MUSK: variants seen among roughly 807,000 people sequenced by gnomAD.
MUSK encodes the protein muscle, skeletal receptor tyrosine-protein kinase.
In MUSK, 55 loss-of-function variants were observed where a neutral mutation model predicts 88.7. That is an observed-to-expected ratio of 0.62 (90% CI 0.50 to 0.78). The LOEUF is 0.78. Among genes scored for constraint, MUSK ranks in the 30% least tolerant of loss-of-function variants. The probability of loss-of-function intolerance (pLI) is 0.00; values close to 1 mark genes in which losing one functional copy is unlikely to be tolerated. For missense variants in MUSK, 1,015 were observed against 1,074.3 expected, an observed-to-expected ratio of 0.94 and a Z score of 0.77; for synonymous variants, 387 against 391.9, an observed-to-expected ratio of 0.99 and a Z score of 0.15.
chr9:110,668,947 C>A lies in MUSK; in HGVS notation c.43C>A (p.Leu15Met), dbSNP rs746254848. ...CATTCCACTGGTACATATTCTTACT[C>A]TGGTTGCCTTCAGCGGAACTGAGAA... ...VNIPLVHILT[L>M]VAFSGTEKLP... The change falls in exon 1 of 15, where the codon CTG becomes ATG. Residue 15 changes from leucine (L) to methionine (M), a missense_variant. Transcript: ENST00000374448. 6.0e-5 allele frequency: 97 copies of A among 1,613,720 alleles called. No homozygotes were observed. Among genetic ancestry groups the A allele is most frequent in the Non-Finnish European group, 7.5e-5 (89 of 1,179,758 alleles).
intron 1 of MUSK, among the ~76,000 whole-genome samples, chr9:110,680,535 C>G (rs1050677228): frequency 6.6e-6 from 1 of 151,726 alleles, no homozygotes; most frequent in East Asian, 1.9e-4. Flanking sequence ...AGGTGTGCAC[C>G]ACCATGTCCA....
chr9:110,675,452 A>G (rs1192425831), intron 1 of MUSK, among the ~76,000 whole-genome samples: 2 of 103,096 alleles, frequency 1.9e-5, no homozygotes, highest in East Asian at 4.7e-4. Flanking sequence ...CGATCTCCTG[A>G]CCTCGTGATC....
At chr9:110,711,332 C>A (rs959806825) in intron 5 of MUSK, among the ~76,000 whole-genome samples, 1 of 152,134 alleles carries the variant, frequency 6.6e-6, no homozygotes, top group Non-Finnish European at 1.5e-5. Context: ...CCTGGGGAAG[C>A]CATAGCCTGC....
intron 5 of MUSK, among the ~76,000 whole-genome samples, chr9:110,705,518 T>C (rs34163298): frequency 0.35 from 53,814 of 152,030 alleles, 10,018 homozygotes; most frequent in East Asian, 0.53. Context: ...TTTCTATGTA[T>C]AGATGGAAAT....
Position 110,801,959 on chromosome 9 carries a change from C to T in MUSK, c.*971C>T, listed in dbSNP as rs1370478482. Among the ~76,000 whole-genome samples, 1 of 152,074 alleles carries T rather than the reference C, an allele frequency of 6.6e-6. No individual in the cohort carries two copies. Among genetic ancestry groups the T allele is most frequent in the Non-Finnish European group, 1.5e-5 (1 of 67,998 alleles). On this transcript the variant is annotated 3_prime_UTR_variant, in exon 15 of 15. Transcript: ENST00000374448. ...TTGCAAAGTATTACTATTTTTCCTGCATTTGCCTTTGAAGCCACACATTTC... is the reference window on the plus strand; with the variant it reads ...TTGCAAAGTATTACTATTTTTCCTGTATTTGCCTTTGAAGCCACACATTTC...
chr9:110,785,641 C>G lies in MUSK; in HGVS notation c.1701C>G (p.Ser567Arg), dbSNP rs776396098. The change falls in exon 13 of 15, where the codon AGC becomes AGG. Residue 567 changes from serine to arginine, a missense_variant. Ser to Arg is a moderately radical substitution (Grantham distance 110). Coordinates refer to ENST00000374448, the MANE Select transcript of MUSK (RefSeq NM_005592.4). ...MPLLLNPKLL[S>R]LEYPRNNIEY... is the part of the protein sequence containing the mutation. ...TCCTTCTGAACCCCAAATTGCTCAG[C>G]CTGGAGTATCCAAGGAATAACATTG... is the stretch of plus-strand genomic sequence containing the variant. The G allele has an allele frequency of 6.2e-7, 1 of 1,613,162 alleles. No homozygotes were observed. The highest frequency in any genetic ancestry group is 8.5e-7 in the Non-Finnish European group (1 of 1,179,540).
intron 5 of MUSK, among the ~76,000 whole-genome samples, chr9:110,713,646 G>C (rs2076705834): frequency 6.6e-6 from 1 of 152,114 alleles, no homozygotes; most frequent in Non-Finnish European, 1.5e-5. Flanking sequence ...GGCCTTATCT[G>C]GCATCCAGAA....
At position 110,761,435 on chromosome 9, in the gene MUSK, T is replaced by A. The variant is rs1334826872; in HGVS notation, c.914-767T>A. On this transcript the variant is annotated intron_variant, in intron 7 of 14. Transcript: ENST00000374448. ...CACAGCCTTGAGGCAGCCAGGTCTATGAGAACAACCATTGCCTACTTTCTC... is the reference window on the plus strand; with the variant it reads ...CACAGCCTTGAGGCAGCCAGGTCTAAGAGAACAACCATTGCCTACTTTCTC... 2.4e-3 allele frequency among the ~76,000 whole-genome samples: 373 copies of A among 152,280 alleles called. 1 individual carries two copies. Among genetic ancestry groups the A allele is most frequent in the African/African-American group, 8.7e-3 (360 of 41,556 alleles).
In MUSK at chr9:110,681,034, TATTATATAATA is replaced by T. The variant is rs2076108439; in HGVS notation, c.80-1639_80-1629del. Among the ~76,000 whole-genome samples the T allele has an allele frequency of 4.6e-5, 2 of 43,942 alleles. 1 individual carries two copies. The highest frequency in any genetic ancestry group is 7.6e-5 in the Non-Finnish European group (2 of 26,358). The allele number at this position is 43,942 out of a possible 152,430, so 28.8% of individuals were successfully genotyped here. A position where few individuals can be genotyped will look rare whatever the true frequency, so the allele number is the denominator to read the frequency against. ...TATATAATATATATTATATATTATATATTATATAATATATATTATATATTATATATATAATA... is the reference window on the plus strand; with the variant it reads ...TATATAATATATATTATATATTATATTATATTATATATTATATATATAATA... On this transcript the variant is annotated intron_variant, in intron 1 of 14. Coordinates refer to ENST00000374448, the MANE Select transcript of MUSK (RefSeq NM_005592.4).
Position 110,800,871 on chromosome 9 carries a change from G to A in MUSK, c.2493G>A (p.Leu831=), listed in dbSNP as rs1314052605. 1 of 1,590,334 alleles carries A rather than the reference G, an allele frequency of 6.3e-7. No individual in the cohort carries two copies. Among genetic ancestry groups the A allele is most frequent in the South Asian group, 1.1e-5 (1 of 87,504 alleles). ...LSCPENCPVE[L]YNLMRLCWSK... is the part of the protein sequence containing the mutation. The stretch of plus-strand genomic sequence containing the variant: ...GCCCTGAGAACTGCCCCGTGGAGCT[G>A]TACAATCTCATGCGTCTATGTTGGA... Residue 831 remains leucine (L), a synonymous_variant, in exon 15 of 15, where the codon CTG becomes CTA. Transcript: ENST00000374448.
rs1054011427 is a variant in MUSK at position 110,784,684 on chromosome 9, A to T, written c.1385-131A>T. The stretch of plus-strand genomic sequence containing the variant: ...AACTAGACCTTACTGAACTTTATAA[A>T]TATATAACCAGGGAGAACCTGATAC... On this transcript the variant is annotated intron_variant, in intron 11 of 14. Transcript: ENST00000374448. 3 of 655,306 alleles carry T rather than the reference A, an allele frequency of 4.6e-6. No individual in the cohort carries two copies. In the Admixed American group the frequency reaches 9.4e-5, roughly 20 times the overall value. The allele number at this position is 655,306 out of a possible 1,614,324, so 40.6% of individuals were successfully genotyped here. A position where few individuals can be genotyped will look rare whatever the true frequency, so the allele number is the denominator to read the frequency against.
chr9:110,705,054 A>G (rs1222635384), intron 5 of MUSK, among the ~76,000 whole-genome samples: 1 of 151,992 alleles, frequency 6.6e-6, no homozygotes, highest in Non-Finnish European at 1.5e-5. Flanking sequence ...ATGTAGGCCT[A>G]TACTTTTTGC....
At chr9:110,759,934 G>A (rs12377121) in intron 7 of MUSK, among the ~76,000 whole-genome samples, 63,297 of 151,730 alleles carry the variant, frequency 0.42, 13,637 homozygotes, top group Middle Eastern at 0.48. Context: ...TGCTTGGGAG[G>A]CTGAGGCAGG....
chr9:110,744,635 G>A (rs1028769918), intron 6 of MUSK, among the ~76,000 whole-genome samples: 3 of 152,132 alleles, frequency 2.0e-5, no homozygotes, highest in African/African-American at 7.2e-5. Context: ...AAAACATGAT[G>A]TTTAGATAAA....
intron 7 of MUSK, among the ~76,000 whole-genome samples, chr9:110,749,643 G>A (rs767356729): frequency 6.6e-6 from 1 of 152,200 alleles, no homozygotes; most frequent in African/African-American, 2.4e-5. Flanking sequence ...TTAGGAGGTT[G>A]AGAAGTGCGG....
intron 2 of MUSK, 39 bp from the exon 3 acceptor site, chr9:110,687,078 A>G: frequency 1.3e-6 from 2 of 1,586,342 alleles, no homozygotes; most frequent in Non-Finnish European, 1.7e-6. Flanking sequence ...AAAATCACAG[A>G]GGAAGCACTA....
At chr9:110,736,889 C>T (rs896413952) in intron 6 of MUSK, among the ~76,000 whole-genome samples, 1 of 152,062 alleles carries the variant, frequency 6.6e-6, no homozygotes, top group African/African-American at 2.4e-5. Flanking sequence ...ATAATTATAA[C>T]ATGACCAGTA....
chr9:110,750,128 G>A (rs990598242), intron 7 of MUSK, among the ~76,000 whole-genome samples: 1 of 152,028 alleles, frequency 6.6e-6, no homozygotes, highest in African/African-American at 2.4e-5. Flanking sequence ...CTCCATCCAA[G>A]AAAATAAACT....
chr9:110,755,956 A>AG, intron 7 of MUSK, among the ~76,000 whole-genome samples: 1 of 73,548 alleles, frequency 1.4e-5, no homozygotes, highest in South Asian at 4.8e-4. Context: ...ATATACACAT[A>AG]TATATATACA....
Sources: allele counts gnomAD v4.1 joint callset (sites outside exome capture counted in the v4.1 genomes callset), GRCh38; gene constraint gnomAD v4.1.1; transcripts MANE v1.5; gene names NCBI Gene and HGNC (gene_info 2026-07-23, HGNC 2026-07-21).